The following RGS7 variants were observed in gnomAD, a reference collection of about 807,000 sequenced individuals.
RGS7 encodes the protein regulator of G protein signaling 7, also known as regulator of G-protein signaling 7.
Under a neutral mutation model 81.1 loss-of-function variants are expected in RGS7, and 27 were observed. That is an observed-to-expected ratio of 0.33 (90% confidence interval 0.25 to 0.46). The LOEUF (loss-of-function observed/expected upper bound fraction) is 0.46, where lower values mean the gene tolerates loss of function less well. Ranked by LOEUF, RGS7 falls within the 20% of genes least tolerant of loss-of-function variation. RGS7 has a pLI of 1.00. For synonymous variants in RGS7, 208 were observed against 207.7 expected (o/e 1.00, Z -0.01); for missense variants, 396 against 607.4 (o/e 0.65, Z 3.66).
intron 2 of RGS7, among the ~76,000 whole-genome samples, chr1:241,123,479 G>T (rs538821549): frequency 1.3e-5 from 2 of 152,172 alleles, no homozygotes; most frequent in Non-Finnish European, 2.9e-5. Flanking sequence ...GGCCGGACAC[G>T]GTGGCTCACG....
intron 2 of RGS7, among the ~76,000 whole-genome samples, chr1:241,311,065 A>G (rs1041844932): frequency 2.0e-5 from 3 of 152,228 alleles, no homozygotes; most frequent in Non-Finnish European, 4.4e-5. Context: ...CGCTTATAAA[A>G]TATCTTCCTC....
intron 2 of RGS7, among the ~76,000 whole-genome samples, chr1:241,147,780 T>TTATATATATATA (rs200770896): frequency 0.051 from 2,240 of 44,210 alleles, 270 homozygotes; most frequent in Non-Finnish European, 0.063. Flanking sequence ...AGATTAAGTT[T>TTATATATATATA]TATATATATA....
intron 13 of RGS7, among the ~76,000 whole-genome samples, chr1:240,813,150 C>T (rs570300012): frequency 1.2e-4 from 19 of 152,274 alleles, no homozygotes; most frequent in Admixed American, 5.2e-4. Context: ...TGGTGCTTTG[C>T]TTTTCTTAGG....
chr1:241,216,858 A>G (rs1420418398), intron 2 of RGS7, among the ~76,000 whole-genome samples: 2 of 152,248 alleles, frequency 1.3e-5, no homozygotes, highest in Non-Finnish European at 2.9e-5. Context: ...CCTAAGAATG[A>G]AAATCAATGC....
intron 3 of RGS7, among the ~76,000 whole-genome samples, chr1:241,008,097 C>T (rs989722857): frequency 1.3e-5 from 2 of 152,012 alleles, no homozygotes; most frequent in Admixed American, 6.6e-5. Flanking sequence ...AAGATCCGTC[C>T]CTACTTTATA....
At chr1:240,821,223 C>G (rs1198035042) in intron 10 of RGS7, among the ~76,000 whole-genome samples, 1 of 152,114 alleles carries the variant, frequency 6.6e-6, no homozygotes, top group Non-Finnish European at 1.5e-5. Context: ...GAGGCTGAAG[C>G]AAGTGGATCA....
At position 241,129,426 on chromosome 1, in the gene RGS7, C is replaced by T. The variant is rs1368225246; in HGVS notation, c.79-30664G>A. 3.3e-5 allele frequency among the ~76,000 whole-genome samples: 5 copies of T among 149,912 alleles called. No homozygotes were observed. The East Asian group carries it at 9.7e-4, about 29-fold the overall frequency. ...TGACTCTACATTCATCAGCATGGGACCTTCCCAGCCACGACATTATCACAT... is the reference window on the plus strand; with the variant it reads ...TGACTCTACATTCATCAGCATGGGATCTTCCCAGCCACGACATTATCACAT... On this transcript the variant is annotated intron_variant, in intron 2 of 18. Coordinates refer to ENST00000440928, the MANE Select transcript of RGS7 (RefSeq NM_001364886.1).
At chr1:240,859,450 T>G (rs1294470135) in intron 9 of RGS7, among the ~76,000 whole-genome samples, 2 of 149,502 alleles carry the variant, frequency 1.3e-5, no homozygotes, top group Non-Finnish European at 3.0e-5. Flanking sequence ...GTTTTTTTTT[T>G]TTTTTTTTCT....
chr1:241,240,150 C>T (rs981880888), intron 2 of RGS7, among the ~76,000 whole-genome samples: 7 of 152,030 alleles, frequency 4.6e-5, no homozygotes, highest in African/African-American at 1.5e-4. Flanking sequence ...GACAGATGGC[C>T]AAGAGAACAC....
At chr1:240,820,719 G>C (rs1372243997) in intron 10 of RGS7, among the ~76,000 whole-genome samples, 1 of 152,116 alleles carries the variant, frequency 6.6e-6, no homozygotes, top group South Asian at 2.1e-4. Flanking sequence ...GTGAGCTCGC[G>C]AAAGATATTA....
At chr1:240,983,882 T>A (rs900829522) in intron 3 of RGS7, among the ~76,000 whole-genome samples, 1 of 152,198 alleles carries the variant, frequency 6.6e-6, no homozygotes, top group Non-Finnish European at 1.5e-5. Flanking sequence ...CAATGTGTGA[T>A]GAATACAAAG....
chr1:241,329,346 GA>G (rs1273286167), intron 2 of RGS7, among the ~76,000 whole-genome samples: 8 of 152,212 alleles, frequency 5.3e-5, no homozygotes, highest in African/African-American at 1.9e-4. Flanking sequence ...TGAGTGGGAA[GA>G]AAAGCATTCT....
intron 9 of RGS7, among the ~76,000 whole-genome samples, chr1:240,851,935 C>T (rs1312477404): frequency 6.6e-6 from 1 of 152,160 alleles, no homozygotes; most frequent in Non-Finnish European, 1.5e-5. Flanking sequence ...ATGAAATCTA[C>T]TTCCGGTGAA....
At chr1:241,076,649 CATTT>C (rs2062819028) in intron 3 of RGS7, among the ~76,000 whole-genome samples, 2 of 152,112 alleles carry the variant, frequency 1.3e-5, no homozygotes, top group African/African-American at 4.8e-5. Flanking sequence ...AGTGTTCATT[CATTT>C]AGATACAAAC....
chr1:241,294,038 C>A lies in RGS7; in HGVS notation c.78+61661G>T, dbSNP rs534925659. On this transcript the variant is annotated intron_variant, in intron 2 of 18. Coordinates refer to ENST00000440928, the MANE Select transcript of RGS7 (RefSeq NM_001364886.1). ...TACCATAGCAAACACTTGGAAGCAA[C>A]CCAAATCCCCATCGGTGATAGACTG... Among the ~76,000 whole-genome samples, 4 of 152,284 alleles carry A rather than the reference C, an allele frequency of 2.6e-5. No individual in the cohort carries two copies. In the South Asian group the frequency reaches 8.3e-4, roughly 32 times the overall value.
At chr1:241,191,305 T>G (rs1290858048) in intron 2 of RGS7, among the ~76,000 whole-genome samples, 1 of 152,138 alleles carries the variant, frequency 6.6e-6, no homozygotes, top group Non-Finnish European at 1.5e-5. Flanking sequence ...TTATGAGAAT[T>G]TTTTTATCAT....
chr1:241,059,625 G>A (rs1461224689), intron 3 of RGS7, among the ~76,000 whole-genome samples: 2 of 152,130 alleles, frequency 1.3e-5, no homozygotes, highest in African/African-American at 4.8e-5. Flanking sequence ...GGAAGGGGGT[G>A]TAAAGACCCA....
At chr1:241,217,693 A>G (rs1226285120) in intron 2 of RGS7, among the ~76,000 whole-genome samples, 4 of 152,236 alleles carry the variant, frequency 2.6e-5, no homozygotes, top group African/African-American at 9.6e-5. Context: ...CTAAAGGGCT[A>G]TCCAATCACA....
At chr1:241,302,504 A>G (rs890461882) in intron 2 of RGS7, among the ~76,000 whole-genome samples, 2 of 152,120 alleles carry the variant, frequency 1.3e-5, no homozygotes, top group Admixed American at 6.5e-5. Context: ...AGCCAAGATC[A>G]CGCCACTGCA....
Sources: allele counts gnomAD v4.1 joint callset (sites outside exome capture counted in the v4.1 genomes callset), GRCh38; gene constraint gnomAD v4.1.1; transcripts MANE v1.5; gene names NCBI Gene and HGNC (gene_info 2026-07-23, HGNC 2026-07-21).